Variants in EML1 observed in about 807,000 individuals in gnomAD.
EML1 encodes EMAP like 1.
EML1 carries 27 observed loss-of-function variants against 110.4 expected under a neutral mutation model. The observed-to-expected ratio is 0.24, with a 90% CI of 0.18 to 0.34. The LOEUF is 0.34. Among genes scored for constraint, EML1 ranks in the 10% least tolerant of loss-of-function variants. EML1 has a pLI of 1.00. For synonymous variants in EML1, 344 were observed against 385.8 expected (o/e 0.89, Z 1.27); for missense variants, 741 against 1,030.9 (o/e 0.72, Z 3.85).
At chr14:99,763,004 G>A (rs939126504) in intron 1 of EML1, among the ~76,000 whole-genome samples, 3 of 152,144 alleles carry the variant, frequency 2.0e-5, no homozygotes, top group Non-Finnish European at 2.9e-5. Context: ...TTGTGGGAGG[G>A]ACTCAGTGGG....
chr14:99,854,770 G>T (rs751247349), intron 2 of EML1, among the ~76,000 whole-genome samples: 16 of 152,140 alleles, frequency 1.1e-4, no homozygotes, highest in Non-Finnish European at 2.1e-4. Flanking sequence ...GCTGAGCTTG[G>T]ATTACCATGT....
chr14:99,767,819 C>T (rs1282592214), intron 1 of EML1, among the ~76,000 whole-genome samples: 1 of 152,138 alleles, frequency 6.6e-6, no homozygotes, highest in Non-Finnish European at 1.5e-5. Flanking sequence ...CCCAAGTCCC[C>T]TCATTCACAT....
chr14:99,900,365 T>G (rs1048615517), intron 8 of EML1, among the ~76,000 whole-genome samples: 3 of 151,754 alleles, frequency 2.0e-5, no homozygotes, highest in Non-Finnish European at 4.4e-5. Context: ...TTTTTTGTAT[T>G]TTGTAGAGAC....
rs368044152 is a variant in EML1, at chr14:99,796,936, T to TGTGTGTGTGAGAGAGA, written c.67+3394_67+3395insTGTGTGTGAGAGAGAG. On this transcript the variant is annotated intron_variant, in intron 1 of 21. Coordinates refer to ENST00000262233, the MANE Select transcript of EML1 (RefSeq NM_004434.3). ...GTGTGTGTGTGTGTGTGTGTGTGTGTGAGAGAGTAATAGCTTTATTGAAAT... is the reference window on the plus strand; with the variant it reads ...GTGTGTGTGTGTGTGTGTGTGTGTGTGTGTGTGTGAGAGAGAGAGAGAGTAATAGCTTTATTGAAAT... Among the ~76,000 whole-genome samples, 8 of 150,030 alleles carry TGTGTGTGTGAGAGAGA rather than the reference T, an allele frequency of 5.3e-5. No homozygotes were observed. In the East Asian group the frequency reaches 5.9e-4, roughly 11 times the overall value.
intron 4 of EML1, among the ~76,000 whole-genome samples, chr14:99,882,895 C>T (rs7157652): frequency 2.0e-4 from 30 of 151,970 alleles, no homozygotes; most frequent in African/African-American, 7.2e-4. Flanking sequence ...TGTGTTGTGC[C>T]CCCTCAACCC....
intron 17 of EML1, among the ~76,000 whole-genome samples, chr14:99,927,869 A>AGTGGTGGTG (rs2060271795): frequency 7.8e-4 from 1 of 1,282 alleles, no homozygotes; most frequent in African/African-American, 3.3e-3. Flanking sequence ...TAGTGGTAGT[A>AGTGGTGGTG]GTGGTGGCGG....
At chr14:99,852,404 C>A (rs181734848) in intron 2 of EML1, among the ~76,000 whole-genome samples, 3 of 152,288 alleles carry the variant, frequency 2.0e-5, no homozygotes, top group African/African-American at 7.2e-5. Context: ...CACCTGAGCC[C>A]AGGAGTTCAA....
At chr14:99,880,585 T>C (rs1168545550) in intron 4 of EML1, among the ~76,000 whole-genome samples, 8 of 152,166 alleles carry the variant, frequency 5.3e-5, no homozygotes. Flanking sequence ...GGACTCAAGA[T>C]GGCATGCCTC....
intron 2 of EML1, among the ~76,000 whole-genome samples, chr14:99,860,463 C>G (rs542588028): frequency 6.6e-6 from 1 of 152,242 alleles, no homozygotes; most frequent in African/African-American, 2.4e-5. Context: ...CTCCTCTTTC[C>G]TGTCATCTTC....
Position 99,930,402 on chromosome 14 carries a change from G to A in EML1, c.1910-5627G>A, listed in dbSNP as rs1449427651. Reference sequence around the variant, plus strand: ...CGCAACCACGAAGCCAAGCCCTCCAGGAGTGCATGTGGATCACCCAGAGCG... The same window carrying A: ...CGCAACCACGAAGCCAAGCCCTCCAAGAGTGCATGTGGATCACCCAGAGCG... On this transcript the variant is annotated intron_variant, in intron 17 of 21. Transcript: ENST00000262233. Among the ~76,000 whole-genome samples, 6 of 152,328 alleles carry A rather than the reference G, an allele frequency of 3.9e-5. No individual in the cohort carries two copies. In the South Asian group the frequency reaches 1.0e-3, roughly 26 times the overall value.
At chr14:99,791,799 C>T (rs1382661723), upstream of EML1, among the ~76,000 whole-genome samples, 2 of 152,216 alleles carry the variant, frequency 1.3e-5, no homozygotes, top group Admixed American at 6.5e-5. Flanking sequence ...TCCATCTCCC[C>T]CCAAGTCTGG....
At chr14:99,767,382 T>A (rs557101819) in intron 1 of EML1, among the ~76,000 whole-genome samples, 1 of 152,282 alleles carries the variant, frequency 6.6e-6, no homozygotes, top group Admixed American at 6.5e-5. Flanking sequence ...GGCGGGCAGA[T>A]CATAAGGTCA....
intron 3 of EML1, among the ~76,000 whole-genome samples, chr14:99,877,452 T>C (rs1353009604): frequency 1.3e-5 from 2 of 152,254 alleles, no homozygotes; most frequent in East Asian, 3.9e-4. Flanking sequence ...GTATAGGGGA[T>C]CCCTTCTCCT....
chr14:99,910,273 T>C lies in EML1; in HGVS notation c.1271T>C (p.Val424Ala), dbSNP rs2059925165. The change falls in exon 12 of 22, where the codon GTG (valine) becomes GCG (alanine). Residue 424 changes from valine (V) to alanine (A), a missense_variant. Transcript: ENST00000262233. Reference sequence around the variant, plus strand: ...GAAAAGCCAAAGTTTGTCCTCTGTGTGACTTTCTCTGAAAACGGTGACACC... The same window carrying C: ...GAAAAGCCAAAGTTTGTCCTCTGTGCGACTTTCTCTGAAAACGGTGACACC... ...KQEKPKFVLC[V>A]TFSENGDTIT... The C allele has an allele frequency of 6.2e-7, 1 of 1,613,232 alleles. No homozygotes were observed. Among genetic ancestry groups the C allele is most frequent in the East Asian group, 2.2e-5 (1 of 44,788 alleles).
chr14:99,796,573 A>C (rs34245863), intron 1 of EML1, among the ~76,000 whole-genome samples: 22,444 of 148,858 alleles, frequency 0.15, 1,957 homozygotes, highest in East Asian at 0.37. Context: ...CTCACTGCAG[A>C]CTCAAACTCC....
chr14:99,790,865 C>CTTTTTTTTTTTTTTTTTTTTTT (rs763959981), upstream of EML1, among the ~76,000 whole-genome samples: 1 of 138,480 alleles, frequency 7.2e-6, no homozygotes, highest in African/African-American at 2.8e-5. Context: ...TTTTTCTTTT[C>CTTTTTTTTTTTTTTTTTTTTTT]CTTTTTTTTT....
intron 3 of EML1, among the ~76,000 whole-genome samples, chr14:99,870,032 G>A (rs1041560758): frequency 2.6e-5 from 4 of 152,148 alleles, no homozygotes; most frequent in African/African-American, 4.8e-5. Flanking sequence ...TGCACAAAAC[G>A]GACTCATGCA....
At position 99,941,931 on chromosome 14, in the gene EML1, A is replaced by C. The variant is rs2060595894; in HGVS notation, c.*1819A>C. On this transcript the variant is annotated 3_prime_UTR_variant, in exon 22 of 22. Transcript: ENST00000262233. Reference sequence around the variant, plus strand: ...TGCCAAGCTCAATAATGGACAAAGGATACAAACACACACACATCTACTATT... The same window carrying C: ...TGCCAAGCTCAATAATGGACAAAGGCTACAAACACACACACATCTACTATT... 1 of 152,250 alleles carries C rather than the reference A, an allele frequency of 6.6e-6. No homozygotes were observed. The highest frequency in any genetic ancestry group is 1.5e-5 in the Non-Finnish European group (1 of 68,050). 9.4% of individuals were successfully genotyped at this position (152,250 alleles called of 1,614,324 possible). A position where few individuals can be genotyped will look rare whatever the true frequency, so the allele number is the denominator to read the frequency against.
intron 17 of EML1, among the ~76,000 whole-genome samples, chr14:99,928,828 C>T (rs964700211): frequency 2.0e-5 from 3 of 152,204 alleles, no homozygotes; most frequent in African/African-American, 7.2e-5. Context: ...AAACAGACAA[C>T]TGCTCAGCCC....
Sources: gnomAD v4.1 joint callset for allele counts (sites outside exome capture counted in the v4.1 genomes callset) on GRCh38, gnomAD v4.1.1 for gene constraint, MANE v1.5 for transcripts, NCBI Gene and HGNC (gene_info 2026-07-23, HGNC 2026-07-21) for gene names.